The following MTMR3 variants were observed in gnomAD, a reference collection of about 807,000 sequenced individuals.
MTMR3 encodes the protein phosphatidylinositol-3,5-bisphosphate 3-phosphatase MTMR3.
A neutral mutation model predicts 132.4 loss-of-function variants in MTMR3; 32 were observed. The observed-to-expected ratio is 0.24, with a 90% CI of 0.18 to 0.32. The LOEUF (loss-of-function observed/expected upper bound fraction) is 0.32, where lower values mean the gene tolerates loss of function less well. Among genes scored for constraint, MTMR3 ranks in the 10% least tolerant of loss-of-function variants. The pLI, the probability that MTMR3 is intolerant of heterozygous loss-of-function variation, is 1.00. For missense variants in MTMR3, 1,216 were observed against 1,489.6 expected (o/e 0.82, Z 3.02); for synonymous variants, 556 against 550.3 (o/e 1.01, Z -0.14).
At chr22:30,025,203 GC>G (rs1222761057) in intron 19 of MTMR3, 2 of 171,190 alleles carry the variant, frequency 1.2e-5, no homozygotes, top group African/African-American at 4.8e-5. Flanking sequence ...CCCCAGTGAG[GC>G]TGGGTAGTTG....
At chr22:30,001,916 A>G (rs1009745500) in intron 8 of MTMR3, 2 of 150,992 alleles carry the variant, frequency 1.3e-5, no homozygotes, top group African/African-American at 4.9e-5. Context: ...AATGATCAAA[A>G]CCCCCAAATC....
intron 8 of MTMR3, 150 bp from the exon 9 acceptor site, chr22:30,002,730 T>G (rs1170178384): frequency 1.7e-6 from 1 of 588,720 alleles, no homozygotes; most frequent in African/African-American, 1.9e-5. Context: ...AGTCCAAAAC[T>G]CGAATAAAGC....
At chr22:29,986,455 A>G (rs2066859763) in intron 5 of MTMR3, 11 of 561,548 alleles carry the variant, frequency 2.0e-5, no homozygotes, top group Non-Finnish European at 2.3e-5. Flanking sequence ...CTTAATCTCA[A>G]TATTTCTTCT....
At chr22:29,989,015 T>C (rs9625899) in intron 6 of MTMR3, 16,134 of 152,712 alleles carry the variant, frequency 0.11, 881 homozygotes, top group Middle Eastern at 0.14. Flanking sequence ...AACCATAACA[T>C]TATCAATTTT....
chr22:30,016,375 G>T, intron 14 of MTMR3, 153 bp from the exon 15 acceptor site: 5 of 739,300 alleles, frequency 6.8e-6, no homozygotes, highest in Non-Finnish European at 1.1e-5. Flanking sequence ...GTGTGAGGAG[G>T]AGGAGGCTAC....
intron 1 of MTMR3, among the ~76,000 whole-genome samples, chr22:29,903,035 G>A (rs543235380): frequency 6.6e-6 from 1 of 152,286 alleles, no homozygotes; most frequent in Admixed American, 6.5e-5. Flanking sequence ...CCACCGCCTA[G>A]GCAACATGGT....
At chr22:30,025,528 C>A in intron 19 of MTMR3, 102 bp from the exon 20 acceptor site, 3 of 1,238,756 alleles carry the variant, frequency 2.4e-6, no homozygotes, top group Non-Finnish European at 3.5e-6. Flanking sequence ...GGAGCTCCAG[C>A]ACATGCAAAT....
At chr22:29,998,675 A>C in intron 7 of MTMR3, 86 bp from the exon 8 acceptor site, 2 of 737,206 alleles carry the variant, frequency 2.7e-6, no homozygotes, top group Non-Finnish European at 4.4e-6. Flanking sequence ...TATATGTAAC[A>C]TATGTATATT....
chr22:30,013,084 A>G, intron 13 of MTMR3: 1 of 260,980 alleles, frequency 3.8e-6, no homozygotes, highest in Non-Finnish European at 7.2e-6. Context: ...GTTTTTATAT[A>G]GTGAACACAA....
At chr22:29,967,373 G>A (rs947580482) in intron 2 of MTMR3, among the ~76,000 whole-genome samples, 2 of 151,782 alleles carry the variant, frequency 1.3e-5, no homozygotes, top group Middle Eastern at 3.2e-3. Context: ...AAGTGGCTAG[G>A]ACTACAGGTG....
rs144005741 is a variant in MTMR3 at position 29,912,662 on chromosome 22, A to G, written c.-138+29303A>G. ...TTTACCACCCCATTTGCCTGGAGGT[A>G]ATGCATTAGGTGAGAATGAAAGGTG... On this transcript the variant is annotated intron_variant, in intron 1 of 19. Coordinates refer to ENST00000401950, the MANE Select transcript of MTMR3 (RefSeq NM_021090.4). Among the ~76,000 whole-genome samples the G allele has an allele frequency of 3.3e-5, 5 of 152,220 alleles. No individual in the cohort carries two copies. The East Asian group carries it at 9.7e-4, about 29-fold the overall frequency.
intron 1 of MTMR3, among the ~76,000 whole-genome samples, chr22:29,920,739 A>G (rs2065394391): frequency 6.6e-6 from 1 of 152,170 alleles, no homozygotes; most frequent in African/African-American, 2.4e-5. Context: ...CAGTGTATAA[A>G]TTGCATGTGG....
intron 7 of MTMR3, chr22:29,991,927 G>A (rs1267921598): frequency 3.3e-6 from 1 of 300,476 alleles, no homozygotes; most frequent in Admixed American, 5.1e-5. Flanking sequence ...TTTATGAATA[G>A]TATGGAAGCC....
chr22:30,018,114 G>A, intron 16 of MTMR3, 42 bp downstream of exon 16: 1 of 1,546,252 alleles, frequency 6.5e-7, no homozygotes, highest in East Asian at 2.4e-5. Flanking sequence ...GCCTGTGTGG[G>A]TGTATTCCTG....
intron 8 of MTMR3, chr22:30,000,568 A>T (rs5752997): frequency 0.059 from 9,016 of 152,172 alleles, 500 homozygotes; most frequent in South Asian, 0.24. Context: ...TATGACGGGC[A>T]TTTTCCTGGT....
chr22:30,013,528 A>G lies in MTMR3; in HGVS notation c.1490A>G (p.Asn497Ser), dbSNP rs760730522. The G allele has an allele frequency of 9.9e-5, 160 of 1,613,868 alleles. No homozygotes were observed. Among genetic ancestry groups the G allele is most frequent in the Non-Finnish European group, 9.3e-5 (110 of 1,179,918 alleles). ...CAATTTCCTTGCTCTTTTGAGTTCA[A>G]TGAAGCATTCCTTGTAAGTTTCTTC... ...QRQFPCSFEFNEAFLVKLVQH... is the reference protein window; with the variant it reads ...QRQFPCSFEFSEAFLVKLVQH... Residue 497 changes from asparagine to serine, a missense_variant, in exon 14 of 20, where the codon AAT (asparagine) becomes AGT (serine). Asn to Ser is a conservative substitution (Grantham distance 46, BLOSUM62 1). Transcript: ENST00000401950.
At chr22:29,921,852 T>C (rs1043757079) in intron 1 of MTMR3, among the ~76,000 whole-genome samples, 1 of 151,682 alleles carries the variant, frequency 6.6e-6, no homozygotes, top group African/African-American at 2.4e-5. Flanking sequence ...TTTTTTTTTT[T>C]TCTTTTTTTT....
At chr22:29,996,351 G>A (rs774619351) in intron 7 of MTMR3, 1 of 152,190 alleles carries the variant, frequency 6.6e-6, no homozygotes, top group Non-Finnish European at 1.5e-5. Flanking sequence ...AGAATGTTGT[G>A]CTCTGGATGG....
chr22:30,000,689 A>G (rs918764764), intron 8 of MTMR3: 5 of 152,162 alleles, frequency 3.3e-5, no homozygotes, highest in Admixed American at 6.5e-5. Context: ...GGTGTTTTGA[A>G]GAGTTGGAGC....
Sources: allele counts gnomAD v4.1 joint callset (sites outside exome capture counted in the v4.1 genomes callset), GRCh38; gene constraint gnomAD v4.1.1; transcripts MANE v1.5; gene names NCBI Gene and HGNC (gene_info 2026-07-23, HGNC 2026-07-21).